RANBP2: variants seen among roughly 807,000 people sequenced by gnomAD.
RANBP2 encodes E3 SUMO-protein ligase RanBP2.
In RANBP2, 57 loss-of-function variants were observed where a neutral mutation model predicts 303.6. The observed-to-expected ratio is 0.19, with a 90% CI of 0.15 to 0.23. RANBP2 has a LOEUF of 0.23. Among genes scored for constraint, RANBP2 ranks in the 10% least tolerant of loss-of-function variants. The pLI, the probability that RANBP2 is intolerant of heterozygous loss-of-function variation, is 1.00. For synonymous variants in RANBP2, 1,167 were observed against 1,301.5 expected (o/e 0.90, Z 2.23); for missense variants, 3,138 against 3,780.8 (o/e 0.83, Z 4.46).
chr2:109,287,681 C>T, the RANBP2 span, among the ~76,000 whole-genome samples: 10 of 152,260 alleles, frequency 6.6e-5, no homozygotes, highest in East Asian at 1.5e-3. Context: ...GGCCCTCCCT[C>T]GGATCCTATC....
the RANBP2 span, among the ~76,000 whole-genome samples, chr2:109,030,825 C>A: frequency 7.2e-5 from 11 of 152,300 alleles, no homozygotes; most frequent in Admixed American, 4.6e-4. Context: ...TGGGCTCAAG[C>A]AGTCCTTCTG....
At chr2:109,039,935 C>T in the RANBP2 span, among the ~76,000 whole-genome samples, 89 of 152,186 alleles carry the variant, frequency 5.8e-4, no homozygotes, top group African/African-American at 2.0e-3. Flanking sequence ...TTCACTCTCC[C>T]AATGGTATCA....
the RANBP2 span, among the ~76,000 whole-genome samples, chr2:109,576,852 GA>G: frequency 6.6e-6 from 1 of 151,968 alleles, no homozygotes; most frequent in Admixed American, 6.6e-5. Flanking sequence ...ATAATGAGAA[GA>G]TCTAACATAT....
chr2:109,297,816 T>C, the RANBP2 span, among the ~76,000 whole-genome samples: 1 of 151,922 alleles, frequency 6.6e-6, no homozygotes, highest in Non-Finnish European at 1.5e-5. Flanking sequence ...ACTAGGTCAG[T>C]GCTCCTCACC....
chr2:108,858,211 G>T, the RANBP2 span, among the ~76,000 whole-genome samples: 1 of 152,178 alleles, frequency 6.6e-6, no homozygotes, highest in African/African-American at 2.4e-5. Flanking sequence ...GGGCATGGTG[G>T]TGTGCGCCTG....
At chr2:108,994,417 G>A in the RANBP2 span, among the ~76,000 whole-genome samples, 39 of 152,164 alleles carry the variant, frequency 2.6e-4, no homozygotes, top group South Asian at 4.1e-4. Context: ...ATGGCTTTAC[G>A]AGCTTGAATA....
At chr2:109,073,290 T>C in the RANBP2 span, among the ~76,000 whole-genome samples, 9 of 152,124 alleles carry the variant, frequency 5.9e-5, no homozygotes, top group Non-Finnish European at 1.0e-4. Context: ...AGGGGTTCAA[T>C]AGCAGACTAG....
chr2:108,792,779 C>T, the RANBP2 span, among the ~76,000 whole-genome samples: 11 of 152,106 alleles, frequency 7.2e-5, no homozygotes, highest in African/African-American at 2.4e-4. Flanking sequence ...AACCACTGAG[C>T]GTCGGCCAGG....
chr2:108,730,976 A>G (rs912833790), intron 3 of RANBP2, 91 bp downstream of exon 3: 174 of 1,426,120 alleles, frequency 1.2e-4, no homozygotes, highest in Non-Finnish European at 1.7e-4. Flanking sequence ...TATTTTATGA[A>G]TATCATAAAA....
At chr2:108,748,811 G>C in intron 8 of RANBP2, 109 bp from the exon 9 acceptor site, 1 of 1,604,018 alleles carries the variant, frequency 6.2e-7, no homozygotes, top group Non-Finnish European at 8.5e-7. Flanking sequence ...TGGAGGGTTA[G>C]GTATGCAGTA....
At chr2:109,433,864 A>C in the RANBP2 span, among the ~76,000 whole-genome samples, 2 of 152,252 alleles carry the variant, frequency 1.3e-5, no homozygotes, top group African/African-American at 4.8e-5. Flanking sequence ...AGCAAACTGC[A>C]GAGGGGCTTC....
At chr2:108,736,302 G>T in intron 6 of RANBP2, 53 bp downstream of exon 6, 1 of 1,611,390 alleles carries the variant, frequency 6.2e-7, no homozygotes. Flanking sequence ...TTTTCTTTTT[G>T]CAGTAAGTTC....
At chr2:109,742,999 G>T in the RANBP2 span, among the ~76,000 whole-genome samples, 4 of 148,576 alleles carry the variant, frequency 2.7e-5, 1 homozygote. Flanking sequence ...AGCCAGGCAT[G>T]GTGGCTCACA....
the RANBP2 span, among the ~76,000 whole-genome samples, chr2:108,837,326 G>A: frequency 1.3e-5 from 2 of 152,092 alleles, no homozygotes; most frequent in South Asian, 2.1e-4. Context: ...TGTTAAAATG[G>A]TATATTACAC....
At chr2:109,144,102 A>G in the RANBP2 span, among the ~76,000 whole-genome samples, 3 of 152,210 alleles carry the variant, frequency 2.0e-5, no homozygotes, top group African/African-American at 7.2e-5. Context: ...TATAAGATGA[A>G]TGAATTCTGG....
chr2:109,204,259 C>T, the RANBP2 span, among the ~76,000 whole-genome samples: 1 of 152,156 alleles, frequency 6.6e-6, no homozygotes, highest in Non-Finnish European at 1.5e-5. Flanking sequence ...TTTGCTTATG[C>T]CCTGTTGCTT....
Position 108,766,132 on chromosome 2 carries a change from G to A in RANBP2, c.5593G>A (p.Asp1865Asn). 6.2e-7 allele frequency: 1 copy of A among 1,613,632 alleles called. No individual in the cohort carries two copies. The highest frequency in any genetic ancestry group is 8.5e-7 in the Non-Finnish European group (1 of 1,179,978). ...TEQGFKFGHV[D>N]QENSPSFMFQ... ...GCAAGGATTCAAATTTGGGCATGTG[G>A]ATCAAGAAAATTCACCTTCATTTAT... The change falls in exon 20 of 29, where the codon GAT (aspartate) becomes AAT (asparagine). Residue 1865 changes from aspartate to asparagine, a missense_variant. By Grantham distance (23) the Asp-to-Asn change is conservative. Around this residue, in one of 20 missense-constraint regions of RANBP2, gnomAD observed 348 missense variants for 360.4 expected, o/e 0.97. Transcript: ENST00000283195.
the RANBP2 span, among the ~76,000 whole-genome samples, chr2:109,661,931 C>G: frequency 5.9e-5 from 9 of 152,174 alleles, no homozygotes; most frequent in Non-Finnish European, 1.2e-4. Context: ...GATCCATCTT[C>G]CAGTAAGTTT....
At chr2:109,066,896 C>T in the RANBP2 span, among the ~76,000 whole-genome samples, 2 of 152,124 alleles carry the variant, frequency 1.3e-5, no homozygotes, top group African/African-American at 4.8e-5. Context: ...TTCTCTGAGG[C>T]TGAGAGATGT....
Sources: allele counts gnomAD v4.1 joint callset (sites outside exome capture counted in the v4.1 genomes callset), GRCh38; gene constraint gnomAD v4.1.1; regional missense constraint gnomAD v4.1.1; transcripts MANE v1.5; gene names NCBI Gene and HGNC (gene_info 2026-07-23, HGNC 2026-07-21).